PTGDS: variants seen among roughly 807,000 people sequenced by gnomAD.
The protein encoded by PTGDS is prostaglandin D2 synthase, also known as prostaglandin-H2 D-isomerase.
A neutral mutation model predicts 28.4 loss-of-function variants in PTGDS; 21 were observed. The observed-to-expected ratio is 0.74, with a 90% confidence interval of 0.52 to 1.07. The LOEUF (loss-of-function observed/expected upper bound fraction) is 1.07. Among genes scored for constraint, PTGDS ranks in the 50% least tolerant of loss-of-function variants. The probability of loss-of-function intolerance (pLI) is 0.00; values close to 1 mark genes in which losing one functional copy is unlikely to be tolerated. For missense variants in PTGDS, 243 were observed against 247.7 expected, an observed-to-expected ratio of 0.98 and a Z score of 0.13; for synonymous variants, 102 against 106.0, an observed-to-expected ratio of 0.96 and a Z score of 0.23.
rs376118851 is a variant in PTGDS at position 136,980,007 on chromosome 9, G to C, written c.393G>C (p.Leu131=). 216 of 1,613,040 alleles carry C rather than the reference G, an allele frequency of 1.3e-4. No homozygotes were observed. Among genetic ancestry groups the C allele is most frequent in the Non-Finnish European group, 1.7e-4 (200 of 1,179,934 alleles). Residue 131 remains leucine (L), a synonymous_variant, in exon 4 of 7, where the codon CTG becomes CTC. Transcript: ENST00000371625. ...VETDYDQYAL[L]YSQGSKGPGE... Reference sequence around the variant, plus strand: ...CCGACTACGACCAGTACGCGCTGCTGTACAGCCAGGGCAGCAAGGGCCCTG... The same window carrying C: ...CCGACTACGACCAGTACGCGCTGCTCTACAGCCAGGGCAGCAAGGGCCCTG...
chr9:136,978,278 C>T (rs1403639139), intron 1 of PTGDS, among the ~76,000 whole-genome samples: 1 of 152,178 alleles, frequency 6.6e-6, no homozygotes, highest in Non-Finnish European at 1.5e-5. Flanking sequence ...CTGCCGCCCG[C>T]TGTATGGGCC....
intron 1 of PTGDS, among the ~76,000 whole-genome samples, chr9:136,978,044 G>C (rs1830391967): frequency 6.6e-6 from 1 of 152,224 alleles, no homozygotes; most frequent in South Asian, 2.1e-4. Context: ...GGGCGGGTGG[G>C]GCACAGGGAT....
intron 5 of PTGDS, 25 bp from the exon 6 acceptor site, chr9:136,980,808 C>G (rs779164653): frequency 3.1e-6 from 5 of 1,613,994 alleles, no homozygotes; most frequent in East Asian, 2.2e-5. Context: ...GTTCTGACGA[C>G]AGCCCCTGGC....
In PTGDS at chr9:136,978,995, C is replaced by T; in HGVS notation, c.117C>T (p.Phe39=). 3 of 1,607,814 alleles carry T rather than the reference C, an allele frequency of 1.9e-6. No homozygotes were observed. Among genetic ancestry groups the T allele is most frequent in the Non-Finnish European group, 2.5e-6 (3 of 1,178,456 alleles). The change falls in exon 2 of 7, where the codon TTC becomes TTT. Residue 39 remains phenylalanine, a splice_region_variant and synonymous_variant. Transcript: ENST00000371625. ...SVQPNFQQDK[F]LGRWFSAGLA... ...CGGGTGGGGGTCGCTCGCCGCAGTT[C>T]CTGGGGCGCTGGTTCAGCGCGGGCC...
chr9:136,980,903 C>CATTCATTA, intron 6 of PTGDS, 48 bp downstream of exon 6: 1 of 1,573,440 alleles, frequency 6.4e-7, no homozygotes, highest in African/African-American at 1.4e-5. Context: ...TTCATTCATT[C>CATTCATTA]AACACACATC....
intron 5 of PTGDS, chr9:136,980,591 A>G (rs747914013): frequency 5.7e-6 from 8 of 1,414,220 alleles, no homozygotes; most frequent in Non-Finnish European, 7.6e-6. Flanking sequence ...ATACAGGGGA[A>G]CCAACCATAC....
At chr9:136,980,803 GAC>G (rs1830439256) in intron 5 of PTGDS, 28 bp from the exon 6 acceptor site, 3 of 1,613,874 alleles carry the variant, frequency 1.9e-6, no homozygotes, top group African/African-American at 2.7e-5. Flanking sequence ...CTGGGGTTCT[GAC>G]GACAGCCCCT....
intron 1 of PTGDS, among the ~76,000 whole-genome samples, chr9:136,978,152 C>T (rs1029687394): frequency 6.6e-6 from 1 of 152,114 alleles, no homozygotes; most frequent in Non-Finnish European, 1.5e-5. Flanking sequence ...CTCGGGGAAG[C>T]GCCGGAGCGC....
Position 136,980,819 on chromosome 9 carries a change from T to C in PTGDS, c.551-14T>C. The C allele has an allele frequency of 6.2e-7, 1 of 1,613,986 alleles. No individual in the cohort carries two copies. Among genetic ancestry groups the C allele is most frequent in the South Asian group, 1.1e-5 (1 of 91,080 alleles). On this transcript the variant is annotated splice_polypyrimidine_tract_variant and intron_variant, in intron 5 of 6. Coordinates refer to ENST00000371625, the MANE Select transcript of PTGDS (RefSeq NM_000954.6). ...TGGGGTTCTGACGACAGCCCCTGGCTTCTTTCTTGGCAGATAAGTGCATGA... is the reference window on the plus strand; with the variant it reads ...TGGGGTTCTGACGACAGCCCCTGGCCTCTTTCTTGGCAGATAAGTGCATGA...
Position 136,977,629 on chromosome 9 carries a change from G to T in PTGDS, c.51G>T (p.Leu17=). 6.2e-7 allele frequency: 1 copy of T among 1,609,918 alleles called. No homozygotes were observed. Residue 17 remains leucine (L), a synonymous_variant, in exon 1 of 7, where the codon CTG becomes CTT. Coordinates refer to ENST00000371625, the MANE Select transcript of PTGDS (RefSeq NM_000954.6). ...LWMGLALLGV[L]GDLQAAPEAQ... ...TGGGACTGGCCCTGCTGGGGGTGCT[G>T]GGCGACCTGCAGGCAGCACCGGAGG...
chr9:136,979,965 C>T lies in PTGDS; in HGVS notation c.351C>T (p.Ser117=), dbSNP rs1830428494. Residue 117 remains serine (S), a synonymous_variant, in exon 4 of 7, where the codon TCC becomes TCT. Coordinates refer to ENST00000371625, the MANE Select transcript of PTGDS (RefSeq NM_000954.6). ...TCCCAGACTGGGGCAGCACCTACTC[C>T]GTGTCAGTGGTGGAGACCGACTACG... is the stretch of plus-strand genomic sequence containing the variant. ...YRSPHWGSTY[S]VSVVETDYDQ... The T allele has an allele frequency of 7.4e-6, 12 of 1,613,286 alleles. No homozygotes were observed. In the East Asian group the frequency reaches 1.3e-4, roughly 18 times the overall value.
chr9:136,980,371 G>A, intron 5 of PTGDS, 87 bp downstream of exon 5: 2 of 1,440,264 alleles, frequency 1.4e-6, no homozygotes, highest in Non-Finnish European at 9.6e-7. Flanking sequence ...GCAGAGGGGA[G>A]GAGGTGGCCC....
In PTGDS at chr9:136,977,686, G is replaced by C; in HGVS notation, c.108G>C (p.Gln36His). The change falls in exon 1 of 7, where the codon CAG becomes CAC. Residue 36 changes from glutamine to histidine, a missense_variant. Coordinates refer to ENST00000371625, the MANE Select transcript of PTGDS (RefSeq NM_000954.6). ...TCTCCGTGCAGCCCAACTTCCAGCA[G>C]GACAAGGTGAGGGGCTTTCCTGCGT... is the stretch of plus-strand genomic sequence containing the variant. ...AQVSVQPNFQ[Q>H]DKFLGRWFSA... 6.3e-7 allele frequency: 1 copy of C among 1,596,486 alleles called. No individual in the cohort carries two copies. Among genetic ancestry groups the C allele is most frequent in the Non-Finnish European group, 8.5e-7 (1 of 1,173,334 alleles).
At chr9:136,978,644 T>G (rs1215698293) in intron 1 of PTGDS, among the ~76,000 whole-genome samples, 1 of 50,942 alleles carries the variant, frequency 2.0e-5, no homozygotes. Flanking sequence ...TCCCTGGTTG[T>G]GGACATGAAG....
chr9:136,979,833 G>C, intron 3 of PTGDS, 113 bp from the exon 4 acceptor site: 1 of 1,024,750 alleles, frequency 9.8e-7, no homozygotes, highest in South Asian at 1.3e-5. Flanking sequence ...GGAGCATCCC[G>C]GGCCAGCCGA....
chr9:136,979,822 G>T, intron 3 of PTGDS, 124 bp from the exon 4 acceptor site: 1 of 913,642 alleles, frequency 1.1e-6, no homozygotes, highest in Non-Finnish European at 1.8e-6. Flanking sequence ...AGCCGGGTGG[G>T]GGAGCATCCC....
intron 4 of PTGDS, 41 bp from the exon 5 acceptor site, chr9:136,980,142 T>C: frequency 6.2e-7 from 1 of 1,608,722 alleles, no homozygotes; most frequent in Non-Finnish European, 8.5e-7. Context: ...GCACACAGCA[T>C]CCCCCCCGCT....
chr9:136,980,866 C>CCATTCATTCATTCATT lies in PTGDS; in HGVS notation c.*34_*49dup, dbSNP rs146717258. On this transcript the variant is annotated intron_variant, in intron 6 of 6. Transcript: ENST00000371625. ...ATGACGGAACAATAGGTGAGCCACT[C>CCATTCATTCATTCATT]CATTCATTCATTCATTCATTCATTC... The CCATTCATTCATTCATT allele has an allele frequency of 1.1e-4, 144 of 1,319,878 alleles. No individual in the cohort carries two copies. Among genetic ancestry groups the CCATTCATTCATTCATT allele is most frequent in the South Asian group, 5.1e-4 (34 of 67,276 alleles). 81.8% of individuals were successfully genotyped at this position (1,319,878 alleles called of 1,614,324 possible).
intron 3 of PTGDS, 37 bp from the exon 4 acceptor site, chr9:136,979,909 G>T: frequency 6.3e-7 from 1 of 1,580,322 alleles, no homozygotes. Flanking sequence ...GGTTTGGGGG[G>T]CTGAGTCCCC....
Sources: gnomAD v4.1 joint callset for allele counts (sites outside exome capture counted in the v4.1 genomes callset) on GRCh38, gnomAD v4.1.1 for gene constraint, MANE v1.5 for transcripts, NCBI Gene and HGNC (gene_info 2026-07-23, HGNC 2026-07-21) for gene names.